Variants in RAD17 observed in about 807,000 individuals in gnomAD.
RAD17 encodes the protein cell cycle checkpoint protein RAD17.
In RAD17, 31 loss-of-function variants were observed where a neutral mutation model predicts 81.5. The ratio of observed to expected loss-of-function variants is 0.38; its 90% CI spans 0.29 to 0.51. RAD17 has a LOEUF of 0.51. Among genes scored for constraint, RAD17 ranks in the 20% least tolerant of loss-of-function variants. The pLI is 0.88. For missense variants in RAD17, 681 were observed against 781.2 expected (o/e 0.87, Z 1.53); for synonymous variants, 261 against 266.2 (o/e 0.98, Z 0.19).
At chr5:69,392,956 C>G in intron 13 of RAD17, 199 bp from the exon 14 acceptor site, 2 of 523,950 alleles carry the variant, frequency 3.8e-6, no homozygotes, top group South Asian at 5.6e-5. Flanking sequence ...ATCTAAGCAT[C>G]AGAATTGTTA....
Position 69,377,439 on chromosome 5 carries a change from GTATATA to G in RAD17, c.351+2759_351+2764del, listed in dbSNP as rs373632198. On this transcript the variant is annotated intron_variant, in intron 6 of 18. Coordinates refer to ENST00000354868, the MANE Select transcript of RAD17 (RefSeq NM_133338.3). ...GGTATATGTGTGTGTGTGTGTGTGT[GTATATA>G]TATATATATATATATATATATATAT... Among the ~76,000 whole-genome samples the G allele has an allele frequency of 3.9e-3, 217 of 55,476 alleles. 6 individuals are homozygous for G. Among genetic ancestry groups the G allele is most frequent in the African/African-American group, 0.02 (207 of 10,190 alleles). 36.4% of individuals were successfully genotyped at this position (55,476 alleles called of 152,430 possible).
At chr5:69,391,766 A>G in intron 12 of RAD17, 65 bp from the exon 13 acceptor site, 1 of 1,187,474 alleles carries the variant, frequency 8.4e-7, no homozygotes, top group East Asian at 2.9e-5. Flanking sequence ...CTATATCTGA[A>G]GTGTTCTTAG....
chr5:69,382,736 C>T (rs150827362), intron 7 of RAD17, among the ~76,000 whole-genome samples: 1 of 152,268 alleles, frequency 6.6e-6, no homozygotes, highest in Non-Finnish European at 1.5e-5. Context: ...AAGCAAAAGA[C>T]AAAGATGTCT....
intron 12 of RAD17, among the ~76,000 whole-genome samples, chr5:69,389,444 A>G (rs2150824844): frequency 6.6e-6 from 1 of 152,328 alleles, no homozygotes; most frequent in South Asian, 2.1e-4. Flanking sequence ...AGGCCTATGC[A>G]GGTGACTCTT....
At position 69,386,473 on chromosome 5, in the gene RAD17, T is replaced by C; in HGVS notation, c.894+8T>C. On this transcript the variant is annotated splice_region_variant and intron_variant, in intron 11 of 18. Coordinates refer to ENST00000354868, the MANE Select transcript of RAD17 (RefSeq NM_133338.3). ...ACTATAGAAGCTAACAAGGTAAGTC[T>C]CTGATTAATTAAACCTTACTCGATA... 3.8e-6 allele frequency: 6 copies of C among 1,572,848 alleles called. No homozygotes were observed. The highest frequency in any genetic ancestry group is 5.2e-6 in the Non-Finnish European group (6 of 1,164,586).
intron 18 of RAD17, 70 bp from the exon 19 acceptor site, chr5:69,413,961 C>T: frequency 2.0e-6 from 3 of 1,532,256 alleles, no homozygotes; most frequent in Non-Finnish European, 2.7e-6. Flanking sequence ...TCATAATCAT[C>T]ACACTCATGG....
upstream of RAD17, chr5:69,369,441 C>T (rs752096999): frequency 1.1e-5 from 18 of 1,609,190 alleles, no homozygotes; most frequent in African/African-American, 2.4e-4. Context: ...CAGCCCAGTC[C>T]CTCCCGGCCG....
At chr5:69,387,587 G>A (rs1580389584) in intron 11 of RAD17, among the ~76,000 whole-genome samples, 1 of 152,320 alleles carries the variant, frequency 6.6e-6, no homozygotes, top group East Asian at 1.9e-4. Context: ...GTCAGGTGCG[G>A]TGGCTCACGC....
At position 69,405,099 on chromosome 5, in the gene RAD17, A is replaced by G. The variant is rs183624167; in HGVS notation, c.1693+4930A>G. On this transcript the variant is annotated intron_variant, in intron 17 of 18. Transcript: ENST00000354868. ...ACCAGTTAGAATGGCCGTTACCAAA[A>G]GATAAATGATAACAAACGTTGGCTA... Among the ~76,000 whole-genome samples, 6 of 152,364 alleles carry G rather than the reference A, an allele frequency of 3.9e-5. No homozygotes were observed. The East Asian group carries it at 1.2e-3, about 29-fold the overall frequency.
At position 69,374,664 on chromosome 5, in the gene RAD17, G is replaced by A; in HGVS notation, c.304G>A (p.Val102Ile). The A allele has an allele frequency of 6.2e-7, 1 of 1,611,988 alleles. No homozygotes were observed. Among genetic ancestry groups the A allele is most frequent in the South Asian group, 1.1e-5 (1 of 90,366 alleles). The change falls in exon 6 of 19, where the codon GTC (valine) becomes ATC (isoleucine). Residue 102 changes from valine (V) to isoleucine (I), a missense_variant. By Grantham distance (29) the Val-to-Ile change is conservative. Coordinates refer to ENST00000354868, the MANE Select transcript of RAD17 (RefSeq NM_133338.3). ...TGTGCATAAAAAGAAAATTGAAGAA[G>A]TCGAAACCTGGTTAAAAGCTCAAGT... ...LAVHKKKIEE[V>I]ETWLKAQVLE...
At chr5:69,394,106 G>A (rs2150839025) in intron 15 of RAD17, among the ~76,000 whole-genome samples, 1 of 142,902 alleles carries the variant, frequency 7.0e-6, no homozygotes, top group African/African-American at 2.6e-5. Flanking sequence ...CCACGCTGGA[G>A]TCCAGTGGTA....
chr5:69,414,280 T>C lies in RAD17; in HGVS notation c.2001T>C (p.Ser667=). Residue 667 remains serine, a synonymous_variant, in exon 19 of 19, where the codon AGT becomes AGC. Coordinates refer to ENST00000354868, the MANE Select transcript of RAD17 (RefSeq NM_133338.3). The part of the protein sequence containing the change: ...EENIIIEDYE[S]DGT ...ACATAATAATAGAAGACTACGAGAG[T>C]GATGGGACATAGAAGCCAGCCTGCT... 1 of 1,613,652 alleles carries C rather than the reference T, an allele frequency of 6.2e-7. No individual in the cohort carries two copies. Among genetic ancestry groups the C allele is most frequent in the South Asian group, 1.1e-5 (1 of 91,050 alleles).
Position 69,377,680 on chromosome 5 carries a change from T to TACCTATATGTATGC in RAD17, c.351+2970_351+2971insCCTATATGTATGCA, listed in dbSNP as rs1561240615. 4.1e-4 allele frequency among the ~76,000 whole-genome samples: 2 copies of TACCTATATGTATGC among 4,888 alleles called. 1 individual carries two copies. The highest frequency in any genetic ancestry group is 5.5e-4 in the African/African-American group (2 of 3,628). 3.2% of individuals were successfully genotyped at this position (4,888 alleles called of 152,430 possible). ...ATATATGTATACATATATATATGCATATATATATATGTATACATATATATA... is the reference window on the plus strand; with the variant it reads ...ATATATGTATACATATATATATGCATACCTATATGTATGCATATATATATGTATACATATATATA... On this transcript the variant is annotated intron_variant, in intron 6 of 18. Transcript: ENST00000354868.
upstream of RAD17, chr5:69,369,544 G>A (rs959785678): frequency 1.3e-5 from 21 of 1,610,268 alleles, no homozygotes; most frequent in South Asian, 1.8e-4. Flanking sequence ...TTGCTCTACA[G>A]GGAGGAGCCG....
Position 69,414,061 on chromosome 5 carries a change from A to C in RAD17, c.1782A>C (p.Glu594Asp), listed in dbSNP as rs140350987. 105 of 1,614,216 alleles carry C rather than the reference A, an allele frequency of 6.5e-5. No homozygotes were observed. The African/African-American group carries it at 1.0e-3, about 16-fold the overall frequency. The stretch of plus-strand genomic sequence containing the variant: ...AAATGGAAGCCCTGACTGACAGGGA[A>C]CATGGAATGATAGACCCTGACAGCG... ...RLKMEALTDR[E>D]HGMIDPDSGD... Residue 594 changes from glutamate (E) to aspartate (D), a missense_variant, in exon 19 of 19, where the codon GAA becomes GAC. By Grantham distance (45) the Glu-to-Asp change is conservative. Transcript: ENST00000354868.
intron 6 of RAD17, among the ~76,000 whole-genome samples, chr5:69,381,106 A>G (rs1580373123): frequency 1.3e-5 from 2 of 152,220 alleles, no homozygotes; most frequent in East Asian, 1.9e-4. Flanking sequence ...TAAAGAATCT[A>G]ATAACCAAAC....
Position 69,386,065 on chromosome 5 carries a change from G to T in RAD17, c.668G>T (p.Arg223Leu). 6.3e-7 allele frequency: 1 copy of T among 1,589,178 alleles called. No homozygotes were observed. Among genetic ancestry groups the T allele is most frequent in the Non-Finnish European group, 8.6e-7 (1 of 1,169,002 alleles). ...TAGGATTTACCTAACCAGTTTTATC[G>T]GGATTCTCATACTTTACATGAAGTT... is the stretch of plus-strand genomic sequence containing the variant. Reference protein sequence around the residue: ...LVEDLPNQFYRDSHTLHEVLR... With the variant: ...LVEDLPNQFYLDSHTLHEVLR... Residue 223 changes from arginine to leucine, a missense_variant, in exon 9 of 19, where the codon CGG becomes CTG. Coordinates refer to ENST00000354868, the MANE Select transcript of RAD17 (RefSeq NM_133338.3).
intron 17 of RAD17, among the ~76,000 whole-genome samples, chr5:69,402,436 C>T (rs1018956959): frequency 3.9e-5 from 6 of 151,930 alleles, no homozygotes; most frequent in Admixed American, 6.5e-5. Context: ...GAGGCCGAGG[C>T]GGGCGGATCA....
chr5:69,376,197 G>A (rs1204731371), intron 6 of RAD17, among the ~76,000 whole-genome samples: 3 of 152,166 alleles, frequency 2.0e-5, no homozygotes, highest in Non-Finnish European at 4.4e-5. Flanking sequence ...CCTCACAACT[G>A]ACACATAATC....
Sources: allele counts gnomAD v4.1 joint callset (sites outside exome capture counted in the v4.1 genomes callset), GRCh38; gene constraint gnomAD v4.1.1; transcripts MANE v1.5; gene names NCBI Gene and HGNC (gene_info 2026-07-23, HGNC 2026-07-21).